The following SMARCA4 variants were observed in gnomAD, a reference collection of about 807,000 sequenced individuals.
The protein encoded by SMARCA4 is SWI/SNF related BAF chromatin remodeling complex subunit ATPase 4.
Under a neutral mutation model 193.9 loss-of-function variants are expected in SMARCA4, and 31 were observed. The ratio of observed to expected loss-of-function variants is 0.16; its 90% CI spans 0.12 to 0.22. The LOEUF is 0.22. Ranked by LOEUF, SMARCA4 falls within the 10% of genes least tolerant of loss-of-function variation. The probability of loss-of-function intolerance (pLI) is 1.00; values close to 1 mark genes in which losing one functional copy is unlikely to be tolerated. For missense variants in SMARCA4, 1,148 were observed against 2,296.0 expected, an observed-to-expected ratio of 0.50 and a Z score of 10.22; for synonymous variants, 942 against 933.1, an observed-to-expected ratio of 1.01 and a Z score of -0.17.
chr19:10,981,249 C>T (rs1288017210), intron 1 of SMARCA4, among the ~76,000 whole-genome samples: 1 of 152,224 alleles, frequency 6.6e-6, no homozygotes, highest in Non-Finnish European at 1.5e-5. Flanking sequence ...CAGTGCCTCC[C>T]CCTGCCCTGG....
intron 1 of SMARCA4, chr19:10,977,962 G>T (rs534854437): frequency 2.6e-5 from 4 of 152,526 alleles, no homozygotes; most frequent in Admixed American, 2.6e-4. Context: ...CCTTGGCCTT[G>T]TGACCTGAAC....
rs1225162122 is a variant in SMARCA4, at chr19:11,033,014, G to T, written c.3547-276G>T. On this transcript the variant is annotated intron_variant, in intron 25 of 34. Transcript: ENST00000344626. The surrounding 1 kb of genome is among the most constrained non-coding windows in gnomAD (Gnocchi z 9.8). Reference sequence around the variant, plus strand: ...AGCTGCTTGAGAATATAATCCCCTGGGGGGTTGGTGCTTTCTTCCCGAATA... The same window carrying T: ...AGCTGCTTGAGAATATAATCCCCTGTGGGGTTGGTGCTTTCTTCCCGAATA... The T allele has an allele frequency of 5.4e-6, 3 of 552,570 alleles. No homozygotes were observed. Among genetic ancestry groups the T allele is most frequent in the Non-Finnish European group, 9.8e-6 (3 of 304,932 alleles). The allele number at this position is 552,570 out of a possible 1,614,324, so 34.2% of individuals were successfully genotyped here.
chr19:11,047,358 C>T (rs10419557), intron 30 of SMARCA4, among the ~76,000 whole-genome samples: 5,320 of 151,572 alleles, frequency 0.035, 297 homozygotes, highest in African/African-American at 0.12. Context: ...CTGATGTTCC[C>T]GGTGACGTTG....
chr19:11,010,638 CT>C, intron 15 of SMARCA4, 107 bp downstream of exon 15: 1 of 1,086,894 alleles, frequency 9.2e-7, no homozygotes, highest in East Asian at 2.4e-5. Context: ...ACCTTTTGCT[CT>C]TTGTGGGCAA....
intron 11 of SMARCA4, among the ~76,000 whole-genome samples, chr19:10,999,782 T>G (rs1181841843): frequency 6.6e-6 from 1 of 152,230 alleles, no homozygotes; most frequent in Non-Finnish European, 1.5e-5. Flanking sequence ...CCCTTAGCAA[T>G]AATAGGCTTA....
At chr19:11,037,576 C>A (rs571826079) in intron 29 of SMARCA4, among the ~76,000 whole-genome samples, 3 of 152,244 alleles carry the variant, frequency 2.0e-5, no homozygotes, top group Non-Finnish European at 4.4e-5. Flanking sequence ...ATATTTTGTT[C>A]CATTCTGCAC....
Position 11,004,488 on chromosome 19 carries a change from C to T in SMARCA4, c.2001+1091C>T, listed in dbSNP as rs368851831. Among the ~76,000 whole-genome samples the T allele has an allele frequency of 7.2e-5, 11 of 152,198 alleles. No homozygotes were observed. In the East Asian group the frequency reaches 7.7e-4, roughly 11 times the overall value. On this transcript the variant is annotated intron_variant, in intron 13 of 34. Transcript: ENST00000344626. ...CTGGTCTCGAACTGCTGACCTTAAG[C>T]GATCCACCCACCTGGGCCTCCCAAA... is the stretch of plus-strand genomic sequence containing the variant.
At chr19:11,057,853 A>G (rs1317814208) in intron 30 of SMARCA4, among the ~76,000 whole-genome samples, 4 of 152,130 alleles carry the variant, frequency 2.6e-5, no homozygotes. Flanking sequence ...CTGTAATCCC[A>G]GCACTTTGGG....
At chr19:11,053,353 G>A (rs2076365552) in intron 30 of SMARCA4, among the ~76,000 whole-genome samples, 1 of 151,810 alleles carries the variant, frequency 6.6e-6, no homozygotes, top group South Asian at 2.1e-4. Context: ...GCATGGTGGT[G>A]GGTGCCTGTA....
intron 16 of SMARCA4, among the ~76,000 whole-genome samples, chr19:11,014,571 G>A (rs911447812): frequency 6.6e-6 from 1 of 152,010 alleles, no homozygotes; most frequent in Non-Finnish European, 1.5e-5. Context: ...TGTTCCTTCC[G>A]GCTCTGCCCA....
At chr19:11,042,562 G>C (rs1258060796) in intron 30 of SMARCA4, among the ~76,000 whole-genome samples, 1 of 152,258 alleles carries the variant, frequency 6.6e-6, no homozygotes, top group East Asian at 1.9e-4. Flanking sequence ...TCATGAAGCA[G>C]AGCGTGGGGG....
At chr19:11,049,819 G>A (rs994689480) in intron 30 of SMARCA4, among the ~76,000 whole-genome samples, 13 of 151,554 alleles carry the variant, frequency 8.6e-5, no homozygotes, top group African/African-American at 2.2e-4. Flanking sequence ...AAGACCATGC[G>A]GGCCAGGCGC....
chr19:10,969,589 C>T (rs2145496425), intron 1 of SMARCA4, among the ~76,000 whole-genome samples: 1 of 152,058 alleles, frequency 6.6e-6, no homozygotes, highest in East Asian at 1.9e-4. Flanking sequence ...CACCACCACA[C>T]CTGGCTAATT....
intron 16 of SMARCA4, among the ~76,000 whole-genome samples, chr19:11,014,970 G>A (rs1307082714): frequency 1.3e-5 from 2 of 152,006 alleles, no homozygotes; most frequent in East Asian, 3.9e-4. Flanking sequence ...GCGCCACCAT[G>A]TCCGGCTAAC....
At position 11,059,737 on chromosome 19, in the gene SMARCA4, T is replaced by C; in HGVS notation, c.4636-16T>C. 1 of 1,556,856 alleles carries C rather than the reference T, an allele frequency of 6.4e-7. No individual in the cohort carries two copies. The highest frequency in any genetic ancestry group is 8.7e-7 in the Non-Finnish European group (1 of 1,150,190). ...AGTCGGGCCCATCCACTCAAGCCCCTGGTGTCTCTGCCCAGATCTATGAAG... is the reference window on the plus strand; with the variant it reads ...AGTCGGGCCCATCCACTCAAGCCCCCGGTGTCTCTGCCCAGATCTATGAAG... On this transcript the variant is annotated splice_polypyrimidine_tract_variant and intron_variant, in intron 32 of 34. Transcript: ENST00000344626.
At chr19:11,035,891 G>A (rs147988201) in intron 29 of SMARCA4, among the ~76,000 whole-genome samples, 193 of 152,352 alleles carry the variant, frequency 1.3e-3, no homozygotes, top group Non-Finnish European at 2.4e-3. Context: ...TTATAGAGAC[G>A]ATGATTCAGA....
chr19:11,049,714 G>T (rs532666732), intron 30 of SMARCA4, among the ~76,000 whole-genome samples: 1 of 152,298 alleles, frequency 6.6e-6, no homozygotes, highest in East Asian at 1.9e-4. Flanking sequence ...GGCATCTGCT[G>T]GTCCATGTGG....
rs979834436 is a variant in SMARCA4, at chr19:11,035,142, G to A, written c.4170+10G>A. ...GAAGCAGTGGCTCAAGGTACATGCTGGAGAGGCCCAGCAGCTGCCGCAGGC... is the reference window on the plus strand; with the variant it reads ...GAAGCAGTGGCTCAAGGTACATGCTAGAGAGGCCCAGCAGCTGCCGCAGGC... On this transcript the variant is annotated intron_variant, in intron 29 of 34. Transcript: ENST00000344626. 3 of 1,608,278 alleles carry A rather than the reference G, an allele frequency of 1.9e-6. No individual in the cohort carries two copies. The Admixed American group carries it at 5.0e-5, about 27-fold the overall frequency.
intron 1 of SMARCA4, among the ~76,000 whole-genome samples, chr19:10,982,700 T>C (rs1029090591): frequency 6.6e-6 from 1 of 151,896 alleles, no homozygotes; most frequent in African/African-American, 2.4e-5. Flanking sequence ...GAGACAGGGT[T>C]TCACCATGTT....
Sources: allele counts gnomAD v4.1 joint callset (sites outside exome capture counted in the v4.1 genomes callset), GRCh38; gene constraint gnomAD v4.1.1; non-coding constraint Gnocchi (gnomAD v3.1); transcripts MANE v1.5; gene names NCBI Gene and HGNC (gene_info 2026-07-23, HGNC 2026-07-21).